The following MICU1 variants were observed in gnomAD, a reference collection of about 807,000 sequenced individuals.
MICU1 encodes mitochondrial calcium uptake 1.
A neutral mutation model predicts 56.8 loss-of-function variants in MICU1; 45 were observed. The observed-to-expected ratio is 0.79, with a 90% confidence interval of 0.62 to 1.02. The LOEUF (loss-of-function observed/expected upper bound fraction) is 1.02, where lower values mean the gene tolerates loss of function less well. Ranked by LOEUF, MICU1 falls within the 50% of genes least tolerant of loss-of-function variation. The probability of loss-of-function intolerance (pLI) is 0.00; values close to 1 mark genes in which losing one functional copy is unlikely to be tolerated. For missense variants in MICU1, 504 were observed against 587.1 expected (o/e 0.86, Z 1.46); for synonymous variants, 186 against 195.1 (o/e 0.95, Z 0.39).
At chr10:72,370,120 G>A (rs1031032245) in intron 11 of MICU1, among the ~76,000 whole-genome samples, 3 of 151,980 alleles carry the variant, frequency 2.0e-5, no homozygotes, top group Non-Finnish European at 2.9e-5. Flanking sequence ...CTCATGATCC[G>A]CCCACCTTGG....
At chr10:72,573,361 T>C (rs1233071869) in intron 1 of MICU1, among the ~76,000 whole-genome samples, 2 of 101,600 alleles carry the variant, frequency 2.0e-5, no homozygotes, top group Admixed American at 1.0e-4. Flanking sequence ...GAATACCACA[T>C]ACAGTATGCC....
intron 6 of MICU1, among the ~76,000 whole-genome samples, chr10:72,489,290 T>TCACACACACA (rs67070756): frequency 2.9e-4 from 41 of 141,648 alleles, no homozygotes; most frequent in African/African-American, 9.0e-4. Context: ...CGAGACTCTG[T>TCACACACACA]CACACACACA....
At chr10:72,575,940 G>A (rs773138260) in intron 1 of MICU1, among the ~76,000 whole-genome samples, 4 of 152,108 alleles carry the variant, frequency 2.6e-5, no homozygotes, top group South Asian at 2.1e-4. Flanking sequence ...TGGGCCGGGC[G>A]CGGTGGCTCA....
At chr10:72,431,969 G>T (rs546084542) in intron 8 of MICU1, among the ~76,000 whole-genome samples, 1 of 151,902 alleles carries the variant, frequency 6.6e-6, no homozygotes, top group South Asian at 2.1e-4. Context: ...ATATGTAGTG[G>T]TCATTTATAT....
chr10:72,439,940 G>A (rs531162069), intron 8 of MICU1, among the ~76,000 whole-genome samples: 3 of 152,228 alleles, frequency 2.0e-5, no homozygotes, highest in East Asian at 1.9e-4. Flanking sequence ...TCATGGATAG[G>A]AAGAATCAAT....
intron 6 of MICU1, among the ~76,000 whole-genome samples, chr10:72,500,274 A>T (rs1368982346): frequency 1.1e-4 from 1 of 9,502 alleles, no homozygotes; most frequent in Non-Finnish European, 4.5e-4. Flanking sequence ...ATATATATAT[A>T]TATATATATA....
intron 4 of MICU1, among the ~76,000 whole-genome samples, chr10:72,535,990 G>A (rs1839622957): frequency 1.3e-5 from 2 of 152,220 alleles, no homozygotes; most frequent in Non-Finnish European, 2.9e-5. Flanking sequence ...TCATCCCTAC[G>A]TGGAAGCCAG....
At chr10:72,427,221 G>A (rs1204083274) in intron 8 of MICU1, among the ~76,000 whole-genome samples, 1 of 152,150 alleles carries the variant, frequency 6.6e-6, no homozygotes, top group African/African-American at 2.4e-5. Flanking sequence ...GTTCCCCAGG[G>A]GGCTGCAGGG....
intron 5 of MICU1, among the ~76,000 whole-genome samples, chr10:72,522,228 GA>G (rs1867844730): frequency 6.6e-6 from 1 of 151,976 alleles, no homozygotes; most frequent in Non-Finnish European, 1.5e-5. Context: ...TAAAATATAA[GA>G]AAAAAGAAGT....
chr10:72,470,404 G>C (rs578011421), intron 8 of MICU1, among the ~76,000 whole-genome samples: 1 of 152,294 alleles, frequency 6.6e-6, no homozygotes, highest in African/African-American at 2.4e-5. Flanking sequence ...TTGGATAATT[G>C]ATAAAGAACA....
intron 6 of MICU1, among the ~76,000 whole-genome samples, chr10:72,491,111 G>A (rs771524039): frequency 2.0e-5 from 3 of 152,192 alleles, no homozygotes; most frequent in Admixed American, 6.5e-5. Context: ...GACCCTGTCT[G>A]TGAGACCAAT....
chr10:72,407,614 A>G lies in MICU1; in HGVS notation c.1180+315T>C, dbSNP rs1193198989. Among the ~76,000 whole-genome samples the G allele has an allele frequency of 3.9e-5, 6 of 152,232 alleles. No homozygotes were observed. The East Asian group carries it at 5.8e-4, about 15-fold the overall frequency. ...TAGTGACTTTAGCTTCACATTGTAT[A>G]TATAATGACTCTGGCTCAGATAGGG... On this transcript the variant is annotated intron_variant, in intron 10 of 11. Coordinates refer to ENST00000361114, the MANE Select transcript of MICU1 (RefSeq NM_001195518.2).
At chr10:72,492,465 T>C (rs1866689566) in intron 6 of MICU1, among the ~76,000 whole-genome samples, 1 of 152,066 alleles carries the variant, frequency 6.6e-6, no homozygotes, top group Non-Finnish European at 1.5e-5. Flanking sequence ...TTAAGATTAT[T>C]TTTAAAATGC....
chr10:72,444,866 A>G (rs981677598), intron 8 of MICU1, among the ~76,000 whole-genome samples: 1 of 152,206 alleles, frequency 6.6e-6, no homozygotes, highest in Admixed American at 6.5e-5. Context: ...TCACCTACCC[A>G]TTCTGTATTA....
intron 1 of MICU1, among the ~76,000 whole-genome samples, chr10:72,586,135 C>A: frequency 6.7e-6 from 1 of 149,110 alleles, no homozygotes; most frequent in Non-Finnish European, 1.5e-5. Context: ...CTGACTCAGC[C>A]TCCAAGTAGC....
At chr10:72,470,359 G>A (rs988096191) in intron 8 of MICU1, among the ~76,000 whole-genome samples, 8 of 152,132 alleles carry the variant, frequency 5.3e-5, no homozygotes, top group Admixed American at 2.6e-4. Flanking sequence ...GGACGTCTTC[G>A]TCCATTTTCT....
rs571857534 is a variant in MICU1 at position 72,579,487 on chromosome 10, C to A, written c.-1-12693G>T. Among the ~76,000 whole-genome samples, 7 of 152,272 alleles carry A rather than the reference C, an allele frequency of 4.6e-5. No homozygotes were observed. In the East Asian group the frequency reaches 1.3e-3, roughly 29 times the overall value. On this transcript the variant is annotated intron_variant, in intron 1 of 11. Transcript: ENST00000361114. ...CCTGTATTAGATACAAGTTAAGCAA[C>A]CCTAATCCACAAATCTGAAATGCCC...
intron 2 of MICU1, among the ~76,000 whole-genome samples, chr10:72,564,563 A>AG (rs2132470793): frequency 6.6e-6 from 1 of 150,746 alleles, no homozygotes; most frequent in African/African-American, 2.4e-5. Flanking sequence ...AAAAAAAAAA[A>AG]GAAAAGAAAA....
At chr10:72,377,007 G>A (rs1449337506) in intron 10 of MICU1, among the ~76,000 whole-genome samples, 1 of 152,056 alleles carries the variant, frequency 6.6e-6, no homozygotes, top group Non-Finnish European at 1.5e-5. Flanking sequence ...CCTGCACAGT[G>A]AGCCCTCCCT....
Sources: allele counts gnomAD v4.1 joint callset (sites outside exome capture counted in the v4.1 genomes callset), GRCh38; gene constraint gnomAD v4.1.1; transcripts MANE v1.5; gene names NCBI Gene and HGNC (gene_info 2026-07-23, HGNC 2026-07-21).